The following SLC38A1 variants were observed in gnomAD, a reference collection of about 807,000 sequenced individuals.
The protein encoded by SLC38A1 is sodium-coupled neutral amino acid symporter 1.
In SLC38A1, 18 loss-of-function variants were observed where a neutral mutation model predicts 60.3. The observed-to-expected ratio is 0.30, with a 90% CI of 0.21 to 0.44. The LOEUF is 0.44. SLC38A1 is among the 20% of genes least tolerant of loss of function. The probability of loss-of-function intolerance (pLI) is 1.00; values close to 1 mark genes in which losing one functional copy is unlikely to be tolerated. For synonymous variants in SLC38A1, 196 were observed against 212.1 expected, an observed-to-expected ratio of 0.92 and a Z score of 0.66; for missense variants, 448 against 587.2, an observed-to-expected ratio of 0.76 and a Z score of 2.45.
rs533654607 is a variant in SLC38A1, at chr12:46,183,890, C to A, written c.*5080G>T. 5.2e-5 allele frequency: 8 copies of A among 152,538 alleles called. No individual in the cohort carries two copies. Among genetic ancestry groups the A allele is most frequent in the African/African-American group, 1.9e-4 (8 of 41,566 alleles). The allele number at this position is 152,538 out of a possible 1,614,324, so 9.4% of individuals were successfully genotyped here. On this transcript the variant is annotated 3_prime_UTR_variant, in exon 17 of 17. Transcript: ENST00000398637. Reference sequence around the variant, plus strand: ...AATGTAAATTTTTCTAATTCCCAAACAAAACCACTAATTTCTAGGAAACAT... The same window carrying A: ...AATGTAAATTTTTCTAATTCCCAAAAAAAACCACTAATTTCTAGGAAACAT...
In SLC38A1 at chr12:46,255,572, T is replaced by A. The variant is rs538229321; in HGVS notation, c.-208-12258A>T. 3.3e-4 allele frequency among the ~76,000 whole-genome samples: 51 copies of A among 152,344 alleles called. No homozygotes were observed. In the South Asian group the frequency reaches 0.01, roughly 30 times the overall value. ...AAAAATCCACATTCCCATACCTTCT[T>A]ATAATCTTTCACCAAAAACACATTT... On this transcript the variant is annotated intron_variant, in intron 1 of 16. Transcript: ENST00000398637.
intron 6 of SLC38A1, among the ~76,000 whole-genome samples, chr12:46,208,357 G>C (rs891456020): frequency 1.3e-5 from 2 of 152,156 alleles, no homozygotes; most frequent in African/African-American, 4.8e-5. Context: ...GGTTCACGGA[G>C]AGCAATATGG....
rs560552806 is a variant in SLC38A1 at position 46,263,106 on chromosome 12, A to C, written c.-209+5420T>G. ...GAACAAACTGGGGAGCTTTAAAAAA[A>C]TAAAAGTGATAAGGGGACACTACAC... is the stretch of plus-strand genomic sequence containing the variant. On this transcript the variant is annotated intron_variant, in intron 1 of 16. Coordinates refer to ENST00000398637, the MANE Select transcript of SLC38A1 (RefSeq NM_030674.4). 2.4e-4 allele frequency among the ~76,000 whole-genome samples: 37 copies of C among 152,356 alleles called. No individual in the cohort carries two copies. The South Asian group carries it at 7.7e-3, about 32-fold the overall frequency.
chr12:46,191,675 A>G (rs1183039731), intron 16 of SLC38A1, among the ~76,000 whole-genome samples: 1 of 152,056 alleles, frequency 6.6e-6, no homozygotes, highest in Non-Finnish European at 1.5e-5. Context: ...CTTCCTAGGT[A>G]TTTTATTCTC....
chr12:46,235,842 G>A (rs1443910447), intron 3 of SLC38A1, among the ~76,000 whole-genome samples: 2 of 152,164 alleles, frequency 1.3e-5, no homozygotes, highest in East Asian at 3.8e-4. Context: ...GGTCATAATA[G>A]CAATAAGTAT....
At chr12:46,210,690 A>T (rs1430245769) in intron 5 of SLC38A1, among the ~76,000 whole-genome samples, 1 of 151,970 alleles carries the variant, frequency 6.6e-6, no homozygotes, top group Non-Finnish European at 1.5e-5. Flanking sequence ...GTCTCATAAG[A>T]TCTGATGGTT....
intron 16 of SLC38A1, among the ~76,000 whole-genome samples, chr12:46,195,083 T>C (rs1462184940): frequency 1.3e-5 from 2 of 152,230 alleles, no homozygotes; most frequent in African/African-American, 4.8e-5. Context: ...TTATCTACCT[T>C]TGGTCTTTGA....
rs935886154 is a variant in SLC38A1, at chr12:46,268,146, C to T, written c.-209+380G>A. ...CACTCCCAGAACACGGTCGCGCCCT[C>T]GGGTCAGCTGCGCTCTCCCTCCAGA... On this transcript the variant is annotated intron_variant, in intron 1 of 16. Transcript: ENST00000398637. This position sits in a 1 kb window ranked among gnomAD's most constrained non-coding sequence, Gnocchi z 4.4. Among the ~76,000 whole-genome samples, 10 of 152,270 alleles carry T rather than the reference C, an allele frequency of 6.6e-5. No individual in the cohort carries two copies. The highest frequency in any genetic ancestry group is 5.2e-4 in the Admixed American group (8 of 15,300).
intron 1 of SLC38A1, among the ~76,000 whole-genome samples, chr12:46,249,886 C>T (rs969424804): frequency 1.3e-5 from 2 of 152,178 alleles, no homozygotes; most frequent in Non-Finnish European, 2.9e-5. Context: ...CAGACAGATT[C>T]ACAGACGAAC....
chr12:46,210,846 T>C (rs1411752142), intron 5 of SLC38A1, among the ~76,000 whole-genome samples: 2 of 152,190 alleles, frequency 1.3e-5, no homozygotes, highest in East Asian at 3.8e-4. Flanking sequence ...TTTTTCTTTA[T>C]AAATTACCCA....
At chr12:46,207,992 C>T (rs1339671776) in intron 6 of SLC38A1, among the ~76,000 whole-genome samples, 3 of 152,100 alleles carry the variant, frequency 2.0e-5, no homozygotes, top group Admixed American at 6.6e-5. Flanking sequence ...TTAAAAAGAT[C>T]CTAATAGTTG....
chr12:46,194,064 G>A (rs1939261325), intron 16 of SLC38A1, among the ~76,000 whole-genome samples: 1 of 152,296 alleles, frequency 6.6e-6, no homozygotes, highest in East Asian at 1.9e-4. Flanking sequence ...TTTTGCAGTG[G>A]CTGGTACTGG....
intron 5 of SLC38A1, among the ~76,000 whole-genome samples, chr12:46,224,729 G>A (rs1374923353): frequency 1.3e-5 from 2 of 152,214 alleles, no homozygotes; most frequent in African/African-American, 4.8e-5. Context: ...CCTGAGGTAG[G>A]AGAGTCCTAA....
rs111854855 is a variant in SLC38A1, at chr12:46,268,955, T to C, written c.-638A>G. 1.2e-4 allele frequency: 52 copies of C among 447,784 alleles called. No homozygotes were observed. The highest frequency in any genetic ancestry group is 9.4e-4 in the African/African-American group (47 of 50,022). The allele number at this position is 447,784 out of a possible 1,614,324, so 27.7% of individuals were successfully genotyped here. A position where few individuals can be genotyped will look rare whatever the true frequency, so the allele number is the denominator to read the frequency against. On this transcript the variant is annotated 5_prime_UTR_variant, in exon 1 of 17. Transcript: ENST00000398637. This position sits in a 1 kb window ranked among gnomAD's most constrained non-coding sequence, Gnocchi z 4.4. ...CTTCCGCAACCATGGCTTGTGATGG[T>C]TTAACGCGGACAGGCCATTCCTCCC...
intron 9 of SLC38A1, 66 bp downstream of exon 9, chr12:46,206,014 A>G (rs1939881372): frequency 1.0e-6 from 1 of 980,704 alleles, no homozygotes; most frequent in Non-Finnish European, 1.6e-6. Context: ...AACACTGTCC[A>G]TTTTTATTCA....
chr12:46,234,571 C>G (rs1242404884), intron 3 of SLC38A1, among the ~76,000 whole-genome samples: 4 of 151,962 alleles, frequency 2.6e-5, no homozygotes, highest in Non-Finnish European at 5.9e-5. Context: ...CCTCAGCCTC[C>G]CGAGTAGCTG....
intron 16 of SLC38A1, 36 bp downstream of exon 16, chr12:46,197,684 A>T (rs564268294): frequency 7.6e-7 from 1 of 1,316,488 alleles, no homozygotes. Flanking sequence ...ATGGAAAACT[A>T]ATCAGAAAAG....
At chr12:46,242,590 C>T (rs1040211677) in intron 2 of SLC38A1, among the ~76,000 whole-genome samples, 1 of 151,840 alleles carries the variant, frequency 6.6e-6, no homozygotes, top group African/African-American at 2.4e-5. Context: ...GGCAAAACCC[C>T]GTCTCTACAA....
intron 3 of SLC38A1, among the ~76,000 whole-genome samples, chr12:46,237,628 G>A (rs1046157259): frequency 2.6e-5 from 4 of 151,822 alleles, no homozygotes; most frequent in Non-Finnish European, 5.9e-5. Context: ...TGCCTAAGTT[G>A]CGGGTGAGAA....
Sources: gnomAD v4.1 joint callset for allele counts (sites outside exome capture counted in the v4.1 genomes callset) on GRCh38, gnomAD v4.1.1 for gene constraint, Gnocchi (gnomAD v3.1) non-coding constraint, MANE v1.5 for transcripts, NCBI Gene and HGNC (gene_info 2026-07-23, HGNC 2026-07-21) for gene names.